Variants in VGLL4 observed in about 807,000 individuals in gnomAD.
The protein encoded by VGLL4 is transcription cofactor vestigial-like protein 4.
Under a neutral mutation model 21.0 loss-of-function variants are expected in VGLL4, and 7 were observed. That is an observed-to-expected ratio of 0.33 (90% CI 0.19 to 0.63). VGLL4 has a LOEUF of 0.63. Among genes scored for constraint, VGLL4 ranks in the 20% least tolerant of loss-of-function variants. The pLI, the probability that VGLL4 is intolerant of heterozygous loss-of-function variation, is 0.78. For synonymous variants in VGLL4, 222 were observed against 173.2 expected (o/e 1.28, Z -2.21); for missense variants, 394 against 425.7 (o/e 0.93, Z 0.66).
rs12486431 is a variant in VGLL4 at position 11,573,316 on chromosome 3, G to C, written c.273-8297C>G. On this transcript the variant is annotated intron_variant, in intron 2 of 4. Coordinates refer to ENST00000430365, the MANE Select transcript of VGLL4 (RefSeq NM_001128219.3). ...GAAAGAAAGAAAGAAAGGAAGGAAG[G>C]AAGAAAGAAAGAAAGAAAGAAAGAA... 2.3e-3 allele frequency among the ~76,000 whole-genome samples: 48 copies of C among 20,724 alleles called. 2 individuals are homozygous for C. The highest frequency in any genetic ancestry group is 0.011 in the African/African-American group (35 of 3,086). The allele number at this position is 20,724 out of a possible 152,430, so 13.6% of individuals were successfully genotyped here. A position where few individuals can be genotyped will look rare whatever the true frequency, so the allele number is the denominator to read the frequency against.
At chr3:11,708,113 T>G (rs1041678728) in intron 1 of VGLL4, among the ~76,000 whole-genome samples, 1 of 152,238 alleles carries the variant, frequency 6.6e-6, no homozygotes, top group Non-Finnish European at 1.5e-5. Flanking sequence ...AACCTCTGTG[T>G]GTCTATTTCC....
intron 1 of VGLL4, among the ~76,000 whole-genome samples, chr3:11,642,512 GA>G (rs2075713275): frequency 6.6e-6 from 1 of 152,348 alleles, no homozygotes; most frequent in South Asian, 2.1e-4. Flanking sequence ...ATGAGAAAGA[GA>G]AGAGTCCCGG....
rs1004397059 is a variant in VGLL4 at position 11,558,142 on chromosome 3, G to A, written c.*414C>T. The stretch of plus-strand genomic sequence containing the variant: ...ACACATGGACCGAACCAAACACGCC[G>A]TGGAAGCTGAGCCACACACACCCCG... On this transcript the variant is annotated 3_prime_UTR_variant, in exon 5 of 5. Coordinates refer to ENST00000430365, the MANE Select transcript of VGLL4 (RefSeq NM_001128219.3). 9 of 226,656 alleles carry A rather than the reference G, an allele frequency of 4.0e-5. No homozygotes were observed. The highest frequency in any genetic ancestry group is 8.7e-5 in the South Asian group (1 of 11,524). The allele number at this position is 226,656 out of a possible 1,614,324, so 14.0% of individuals were successfully genotyped here. A position where few individuals can be genotyped will look rare whatever the true frequency, so the allele number is the denominator to read the frequency against.
At chr3:11,707,475 C>A (rs11711141) in intron 1 of VGLL4, among the ~76,000 whole-genome samples, 110,036 of 151,170 alleles carry the variant, frequency 0.73, 40,477 homozygotes, top group African/African-American at 0.82. Flanking sequence ...ACAGCTGGGA[C>A]ATGAGGGACG....
chr3:11,560,061 C>A (rs1426982977), intron 3 of VGLL4, among the ~76,000 whole-genome samples: 2 of 152,130 alleles, frequency 1.3e-5, no homozygotes, highest in Non-Finnish European at 2.9e-5. Context: ...CCTTCACCCC[C>A]ACCCCCACGC....
chr3:11,692,705 G>A (rs558026745), intron 2 of VGLL4, among the ~76,000 whole-genome samples: 1 of 145,262 alleles, frequency 6.9e-6, no homozygotes, highest in East Asian at 2.3e-4. Flanking sequence ...ACCAAAGGAG[G>A]AAGGAAGACA....
chr3:11,685,454 C>T (rs915864967), intron 2 of VGLL4, among the ~76,000 whole-genome samples: 14 of 152,078 alleles, frequency 9.2e-5, no homozygotes, highest in African/African-American at 3.1e-4. Context: ...GCCTTGGCCT[C>T]CCAAAGTGCT....
At chr3:11,671,816 G>C (rs907841833) in intron 2 of VGLL4, among the ~76,000 whole-genome samples, 1 of 152,058 alleles carries the variant, frequency 6.6e-6, no homozygotes, top group Non-Finnish European at 1.5e-5. Flanking sequence ...CTTAAAAATA[G>C]GTTTTCAAAA....
At chr3:11,699,339 C>T (rs1371440325) in intron 2 of VGLL4, among the ~76,000 whole-genome samples, 1 of 152,178 alleles carries the variant, frequency 6.6e-6, no homozygotes, top group African/African-American at 2.4e-5. Context: ...GAGTGGTACA[C>T]ATAACACAAG....
At chr3:11,702,356 T>C (rs1388898045) in intron 2 of VGLL4, among the ~76,000 whole-genome samples, 1 of 148,554 alleles carries the variant, frequency 6.7e-6, no homozygotes, top group African/African-American at 2.5e-5. Context: ...CCGTGTGTAA[T>C]CCCAGAATTT....
chr3:11,599,393 T>C (rs1158241040), intron 2 of VGLL4, among the ~76,000 whole-genome samples: 1 of 151,210 alleles, frequency 6.6e-6, no homozygotes, highest in African/African-American at 2.4e-5. Context: ...CTTTGCATAA[T>C]AATGTCAATT....
intron 1 of VGLL4, among the ~76,000 whole-genome samples, chr3:11,602,248 T>G (rs888336220): frequency 2.6e-5 from 4 of 152,172 alleles, no homozygotes; most frequent in Admixed American, 1.3e-4. Flanking sequence ...AGTCACTCTT[T>G]AGGGTAGAGT....
chr3:11,596,629 T>G (rs1265391505), intron 2 of VGLL4, among the ~76,000 whole-genome samples: 3 of 152,226 alleles, frequency 2.0e-5, no homozygotes, highest in African/African-American at 7.2e-5. Flanking sequence ...GAAACAGCAC[T>G]GTTCAATAGA....
At chr3:11,582,171 T>C in intron 2 of VGLL4, 1 of 1,253,692 alleles carries the variant, frequency 8.0e-7, no homozygotes, top group Non-Finnish European at 1.1e-6. Flanking sequence ...ACTCTACCTC[T>C]CCCAGCACTT....
At chr3:11,713,583 T>C (rs2076880043) in intron 1 of VGLL4, among the ~76,000 whole-genome samples, 1 of 147,158 alleles carries the variant, frequency 6.8e-6, no homozygotes, top group African/African-American at 2.5e-5. Flanking sequence ...TATATATATA[T>C]ATATATATCT....
At chr3:11,637,380 A>C (rs2075608540) in intron 1 of VGLL4, among the ~76,000 whole-genome samples, 1 of 146,974 alleles carries the variant, frequency 6.8e-6, no homozygotes, top group African/African-American at 2.5e-5. Flanking sequence ...GGATAACAAA[A>C]TGGTACTAGT....
intron 1 of VGLL4, among the ~76,000 whole-genome samples, chr3:11,629,883 G>T (rs1201212793): frequency 6.6e-6 from 1 of 152,124 alleles, no homozygotes; most frequent in Non-Finnish European, 1.5e-5. Context: ...GGAGTTACGA[G>T]AGCTTAATCC....
chr3:11,558,576 A>T lies in VGLL4; in HGVS notation c.871T>A (p.Ser291Thr), dbSNP rs1190008776. ...PSAHMVSHSH[S>T]PSVVS Reference sequence around the variant, plus strand: ...TCCCTTCAGGAGACCACAGAGGGGGAGTGACTGTGGCTGACCATGTGGGCA... The same window carrying T: ...TCCCTTCAGGAGACCACAGAGGGGGTGTGACTGTGGCTGACCATGTGGGCA... The change falls in exon 5 of 5, where the codon TCC becomes ACC. Residue 291 changes from serine (S) to threonine (T), a missense_variant. Coordinates refer to ENST00000430365, the MANE Select transcript of VGLL4 (RefSeq NM_001128219.3). 6.3e-7 allele frequency: 1 copy of T among 1,595,630 alleles called. No homozygotes were observed. The highest frequency in any genetic ancestry group is 1.7e-5 in the Admixed American group (1 of 59,018).
chr3:11,660,248 G>A (rs570502595), intron 2 of VGLL4, among the ~76,000 whole-genome samples: 4 of 152,238 alleles, frequency 2.6e-5, no homozygotes, highest in East Asian at 3.9e-4. Context: ...GACTGGCTGC[G>A]TGAGTTTAGG....
Sources: gnomAD v4.1 joint callset for allele counts (sites outside exome capture counted in the v4.1 genomes callset) on GRCh38, gnomAD v4.1.1 for gene constraint, MANE v1.5 for transcripts, NCBI Gene and HGNC (gene_info 2026-07-23, HGNC 2026-07-21) for gene names.